The following CXXC5 variants were observed in gnomAD, a reference collection of about 807,000 sequenced individuals.
The protein encoded by CXXC5 is CXXC-type zinc finger protein 5.
Under a neutral mutation model 17.6 loss-of-function variants are expected in CXXC5, and 2 were observed. That is an observed-to-expected ratio of 0.11 (90% CI 0.05 to 0.36). The LOEUF is 0.36. CXXC5 is among the 10% of genes least tolerant of loss of function. The pLI is 1.00. For missense variants in CXXC5, 343 were observed against 458.3 expected (o/e 0.75, Z 2.30); for synonymous variants, 171 against 193.0 (o/e 0.89, Z 0.94).
intron 2 of CXXC5, among the ~76,000 whole-genome samples, chr5:139,682,517 C>T (rs182796795): frequency 6.6e-6 from 1 of 152,216 alleles, no homozygotes; most frequent in African/African-American, 2.4e-5. Flanking sequence ...AGGCACACAC[C>T]CATATGCACA....
Position 139,655,821 on chromosome 5 carries a change from G to A in CXXC5, c.-161+6976G>A, listed in dbSNP as rs1000212858. Among the ~76,000 whole-genome samples the A allele has an allele frequency of 3.9e-5, 6 of 152,092 alleles. No individual in the cohort carries two copies. In the East Asian group the frequency reaches 1.2e-3, roughly 30 times the overall value. On this transcript the variant is annotated intron_variant, in intron 1 of 2. Transcript: ENST00000302517. ...ATTTATTTTTCTGTTTGTTTGGGAAGAGGGCAGTGGCGGCTCTGGGCCCTG... is the reference window on the plus strand; with the variant it reads ...ATTTATTTTTCTGTTTGTTTGGGAAAAGGGCAGTGGCGGCTCTGGGCCCTG...
intron 1 of CXXC5, among the ~76,000 whole-genome samples, chr5:139,660,151 C>T (rs1755710209): frequency 6.6e-6 from 1 of 152,220 alleles, no homozygotes; most frequent in Non-Finnish European, 1.5e-5. Flanking sequence ...TTCCTCCTGC[C>T]TGTGCCAGTG....
At chr5:139,676,824 T>C (rs1027510978) in intron 1 of CXXC5, among the ~76,000 whole-genome samples, 1 of 151,736 alleles carries the variant, frequency 6.6e-6, no homozygotes, top group Admixed American at 6.6e-5. Context: ...CCCATGACAC[T>C]GTCTCCACTA....
intron 1 of CXXC5, chr5:139,649,254 G>GC (rs1259368880): frequency 6.6e-6 from 1 of 152,416 alleles, no homozygotes; most frequent in Non-Finnish European, 1.5e-5. Flanking sequence ...GGGCTGGGAC[G>GC]CTCCTTGCGG....
rs576136525 is a variant in CXXC5, at chr5:139,661,768, C to T, written c.-161+12923C>T. Among the ~76,000 whole-genome samples, 185 of 152,370 alleles carry T rather than the reference C, an allele frequency of 1.2e-3. No homozygotes were observed. The highest frequency in any genetic ancestry group is 4.0e-3 in the African/African-American group (165 of 41,600). ...TGTTTAGGCTTACACGGAAGAGGCC[C>T]GGCCTTCAGCCATGTTGTGTCCACC... On this transcript the variant is annotated intron_variant, in intron 1 of 2. Transcript: ENST00000302517. The surrounding 1 kb of genome is among the most constrained non-coding windows in gnomAD (Gnocchi z 4.7).
Position 139,661,577 on chromosome 5 carries a change from T to C in CXXC5, c.-161+12732T>C, listed in dbSNP as rs1317507125. Among the ~76,000 whole-genome samples, 1 of 152,130 alleles carries C rather than the reference T, an allele frequency of 6.6e-6. No individual in the cohort carries two copies. Among genetic ancestry groups the C allele is most frequent in the Non-Finnish European group, 1.5e-5 (1 of 68,020 alleles). On this transcript the variant is annotated intron_variant, in intron 1 of 2. Transcript: ENST00000302517. This position sits in a 1 kb window ranked among gnomAD's most constrained non-coding sequence, Gnocchi z 4.7. Reference sequence around the variant, plus strand: ...GCGAATGCACATACACAGGCACACATAGGCGTGCACACATAGGCCACTCTC... The same window carrying C: ...GCGAATGCACATACACAGGCACACACAGGCGTGCACACATAGGCCACTCTC...
chr5:139,676,347 ACCCTCCTCCCCAG>A (rs1436459384), intron 1 of CXXC5, among the ~76,000 whole-genome samples: 1 of 5,906 alleles, frequency 1.7e-4, no homozygotes, highest in Non-Finnish European at 2.9e-4. Context: ...CCTTCTCCCC[ACCCTCCTCCCCAG>A]CCCTCCTCCC....
At chr5:139,650,493 C>G (rs1352923526) in intron 1 of CXXC5, among the ~76,000 whole-genome samples, 1 of 152,204 alleles carries the variant, frequency 6.6e-6, no homozygotes, top group South Asian at 2.1e-4. Flanking sequence ...GCCCCAGGGC[C>G]GCCGGCAAAC....
rs537573204 is a variant in CXXC5, at chr5:139,659,245, G to T, written c.-161+10400G>T. 2.0e-5 allele frequency among the ~76,000 whole-genome samples: 3 copies of T among 152,258 alleles called. No individual in the cohort carries two copies. The East Asian group carries it at 5.8e-4, about 29-fold the overall frequency. On this transcript the variant is annotated intron_variant, in intron 1 of 2. Coordinates refer to ENST00000302517, the MANE Select transcript of CXXC5 (RefSeq NM_016463.9). ...AGGGGTGTGACTTGGTGACTCCCGG[G>T]GAAGGACTGAGGTGGGGGGAGGTAA...
intron 1 of CXXC5, among the ~76,000 whole-genome samples, chr5:139,654,464 A>G (rs912565872): frequency 1.3e-5 from 2 of 152,220 alleles, no homozygotes; most frequent in African/African-American, 4.8e-5. Context: ...ATGGACACAG[A>G]TGGTTGCATA....
At chr5:139,649,666 C>G (rs1755061864) in intron 1 of CXXC5, 1 of 152,324 alleles carries the variant, frequency 6.6e-6, no homozygotes, top group Non-Finnish European at 1.5e-5. Context: ...CTTGGGGAGT[C>G]TTTTGAGCTG....
At chr5:139,677,722 C>G (rs1581624490) in intron 1 of CXXC5, among the ~76,000 whole-genome samples, 1 of 152,098 alleles carries the variant, frequency 6.6e-6, no homozygotes, top group African/African-American at 2.4e-5. Flanking sequence ...GTGGGTGGGC[C>G]CTGAAGAAGG....
In CXXC5 at chr5:139,670,126, C is replaced by T. The variant is rs541164355; in HGVS notation, c.-160-10238C>T. On this transcript the variant is annotated intron_variant, in intron 1 of 2. Transcript: ENST00000302517. This position sits in a 1 kb window ranked among gnomAD's most constrained non-coding sequence, Gnocchi z 4.2. ...CAGCCGGCTCGGCCCCATGGCCCCT[C>T]TCGCCTCATTATTTTTGTGTTCCGG... Among the ~76,000 whole-genome samples, 3 of 152,344 alleles carry T rather than the reference C, an allele frequency of 2.0e-5. No homozygotes were observed. The South Asian group carries it at 6.2e-4, about 32-fold the overall frequency.
chr5:139,649,898 G>A (rs953612634), intron 1 of CXXC5, among the ~76,000 whole-genome samples: 3 of 152,200 alleles, frequency 2.0e-5, no homozygotes, highest in African/African-American at 7.2e-5. Context: ...TTAATTTTCT[G>A]GCTGGGGGAA....
In CXXC5 at chr5:139,670,593, A is replaced by G. The variant is rs1756409120; in HGVS notation, c.-160-9771A>G. ...TGCATGCGGACATACACACACTGGC[A>G]TTCATGCGGCAAAGATGTGTTGACA... On this transcript the variant is annotated intron_variant, in intron 1 of 2. Transcript: ENST00000302517. The surrounding 1 kb of genome is among the most constrained non-coding windows in gnomAD (Gnocchi z 4.2). Among the ~76,000 whole-genome samples, 1 of 152,210 alleles carries G rather than the reference A, an allele frequency of 6.6e-6. No homozygotes were observed.
rs1236701265 is a variant in CXXC5, at chr5:139,658,002, A to T, written c.-161+9157A>T. ...GGCATTAGTGGCTGTGTGTGCCAGGAGGAGGTGGCCTGTCCCCTAGGACTA... is the reference window on the plus strand; with the variant it reads ...GGCATTAGTGGCTGTGTGTGCCAGGTGGAGGTGGCCTGTCCCCTAGGACTA... On this transcript the variant is annotated intron_variant, in intron 1 of 2. Coordinates refer to ENST00000302517, the MANE Select transcript of CXXC5 (RefSeq NM_016463.9). This position sits in a 1 kb window ranked among gnomAD's most constrained non-coding sequence, Gnocchi z 4.1. Among the ~76,000 whole-genome samples, 1 of 151,902 alleles carries T rather than the reference A, an allele frequency of 6.6e-6. No homozygotes were observed. Among genetic ancestry groups the T allele is most frequent in the East Asian group, 1.9e-4 (1 of 5,176 alleles).
At chr5:139,648,086 G>A (rs1754958484), upstream of CXXC5, 1 of 147,730 alleles carries the variant, frequency 6.8e-6, no homozygotes, top group East Asian at 2.0e-4. Context: ...GCGGGAAATA[G>A]GCGAAGACGG....
intron 1 of CXXC5, among the ~76,000 whole-genome samples, chr5:139,652,249 TCTCA>T (rs1294658184): frequency 6.6e-6 from 1 of 151,050 alleles, no homozygotes; most frequent in Non-Finnish European, 1.5e-5. Flanking sequence ...ATAGTTAAAC[TCTCA>T]CTCATAGCTG....
At chr5:139,674,452 T>C (rs77346435) in intron 1 of CXXC5, among the ~76,000 whole-genome samples, 1,795 of 152,188 alleles carry the variant, frequency 0.012, 35 homozygotes, top group African/African-American at 0.04. Flanking sequence ...AAGTGGTGCA[T>C]TGAGCCAGGG....
Sources: gnomAD v4.1 joint callset for allele counts (sites outside exome capture counted in the v4.1 genomes callset) on GRCh38, gnomAD v4.1.1 for gene constraint, Gnocchi (gnomAD v3.1) non-coding constraint, MANE v1.5 for transcripts, NCBI Gene and HGNC (gene_info 2026-07-23, HGNC 2026-07-21) for gene names.